Variants in MINK1 observed in about 807,000 individuals in gnomAD.
The protein encoded by MINK1 is misshapen-like kinase 1.
In MINK1, 46 loss-of-function variants were observed where a neutral mutation model predicts 178.4. That is an observed-to-expected ratio of 0.26 (90% CI 0.20 to 0.33). The LOEUF (loss-of-function observed/expected upper bound fraction) is 0.33. MINK1 is among the 10% of genes least tolerant of loss of function. MINK1 has a pLI of 1.00. For missense variants in MINK1, 1,366 were observed against 1,814.9 expected (o/e 0.75, Z 4.49); for synonymous variants, 797 against 709.7 (o/e 1.12, Z -1.96).
chr17:4,856,679 G>A (rs913541708), intron 1 of MINK1: 5 of 152,354 alleles, frequency 3.3e-5, no homozygotes, highest in African/African-American at 7.2e-5. Context: ...TATACATAGA[G>A]TACTCAAGGG....
chr17:4,877,403 C>T (rs1029467514), intron 1 of MINK1, among the ~76,000 whole-genome samples: 3 of 152,130 alleles, frequency 2.0e-5, no homozygotes, highest in African/African-American at 4.8e-5. Context: ...GGCCCTTTCT[C>T]ACCATCACCT....
Position 4,894,610 on chromosome 17 carries a change from G to A in MINK1, c.2894G>A (p.Ser965Asn). 1 of 1,606,776 alleles carries A rather than the reference G, an allele frequency of 6.2e-7. No individual in the cohort carries two copies. The highest frequency in any genetic ancestry group is 1.7e-4 in the Middle Eastern group (1 of 6,052). Residue 965 changes from serine (S) to asparagine (N), a missense_variant, in exon 24 of 32, where the codon AGT becomes AAT. By Grantham distance (46) the Ser-to-Asn change is conservative. Transcript: ENST00000355280. The surrounding 1 kb of genome is among the most constrained non-coding windows in gnomAD (Gnocchi z 4.1). ...VDLGIYQPGG[S>N]GDSIPITALV... ...CTAGGGATCTACCAGCCTGGAGGCA[G>A]TGGGGACAGCATCCCCATCACAGGT...
At position 4,844,839 on chromosome 17, in the gene MINK1, TTG is replaced by T. The variant is rs1910777321; in HGVS notation, c.57+11201_57+11202del. Among the ~76,000 whole-genome samples, 8 of 152,320 alleles carry T rather than the reference TTG, an allele frequency of 5.3e-5. No individual in the cohort carries two copies. The South Asian group carries it at 1.7e-3, about 32-fold the overall frequency. Reference sequence around the variant, plus strand: ...CCCACCCTTTAAAAATGTGTTGTTGTTGTTTTTTAATGTGATTAAGTATATGT... The same window carrying T: ...CCCACCCTTTAAAAATGTGTTGTTGTTTTTTTAATGTGATTAAGTATATGT... On this transcript the variant is annotated intron_variant, in intron 1 of 31. Transcript: ENST00000355280.
intron 1 of MINK1, among the ~76,000 whole-genome samples, chr17:4,867,389 A>G (rs996221313): frequency 3.9e-5 from 6 of 151,916 alleles, no homozygotes; most frequent in East Asian, 3.9e-4. Flanking sequence ...ATGGCTCACA[A>G]TTGTAATCCT....
In MINK1 at chr17:4,887,812, C is replaced by T; in HGVS notation, c.1230+22C>T. On this transcript the variant is annotated intron_variant, in intron 12 of 31. Transcript: ENST00000355280. This position sits in a 1 kb window ranked among gnomAD's most constrained non-coding sequence, Gnocchi z 7.6. Reference sequence around the variant, plus strand: ...GGAGGTGGGCTGTCTCCGAAGGGCCCAGGCCTGGCGCGGCCTCCTCCTGAC... The same window carrying T: ...GGAGGTGGGCTGTCTCCGAAGGGCCTAGGCCTGGCGCGGCCTCCTCCTGAC... 1 of 1,470,566 alleles carries T rather than the reference C, an allele frequency of 6.8e-7. No homozygotes were observed. Among genetic ancestry groups the T allele is most frequent in the South Asian group, 1.4e-5 (1 of 71,850 alleles). 91.1% of individuals were successfully genotyped at this position (1,470,566 alleles called of 1,614,324 possible).
At position 4,887,580 on chromosome 17, in the gene MINK1, C is replaced by T. The variant is rs778950931; in HGVS notation, c.1020C>T (p.Ser340=). Reference sequence around the variant, plus strand: ...GCTTCTTTGTGCCACCCCTGCCCAGCTCCATCATGAACGTGCCTGGAGAGT... The same window carrying T: ...GCTTCTTTGTGCCACCCCTGCCCAGTTCCATCATGAACGTGCCTGGAGAGT... ...DDSHGEEGEP[S]SIMNVPGEST... Residue 340 remains serine (S), a splice_region_variant and synonymous_variant, in exon 12 of 32, where the codon AGC becomes AGT. Coordinates refer to ENST00000355280, the MANE Select transcript of MINK1 (RefSeq NM_153827.5). This position sits in a 1 kb window ranked among gnomAD's most constrained non-coding sequence, Gnocchi z 7.6. 2 of 1,518,926 alleles carry T rather than the reference C, an allele frequency of 1.3e-6. No individual in the cohort carries two copies. Among genetic ancestry groups the T allele is most frequent in the South Asian group, 2.6e-5 (2 of 76,724 alleles). 94.1% of individuals were successfully genotyped at this position (1,518,926 alleles called of 1,614,324 possible).
intron 1 of MINK1, among the ~76,000 whole-genome samples, chr17:4,866,350 C>A (rs966960415): frequency 6.6e-6 from 1 of 151,776 alleles, no homozygotes. Flanking sequence ...GCCTGTAGTC[C>A]CAGCTACTCG....
chr17:4,862,641 G>T (rs1183297299), intron 1 of MINK1, among the ~76,000 whole-genome samples: 1 of 146,944 alleles, frequency 6.8e-6, no homozygotes, highest in African/African-American at 2.5e-5. Context: ...GTGACAGAGT[G>T]AGAATCCATC....
chr17:4,889,843 C>A, intron 13 of MINK1, 80 bp downstream of exon 13: 1 of 942,112 alleles, frequency 1.1e-6, no homozygotes, highest in South Asian at 1.7e-5. Context: ...GTGCCCTTCC[C>A]CCTTCTCTCC....
chr17:4,854,742 TC>T, intron 1 of MINK1: 1 of 492,300 alleles, frequency 2.0e-6, no homozygotes, highest in Admixed American at 2.1e-5. Flanking sequence ...TAAAAACACT[TC>T]AAAACACAGG....
chr17:4,856,349 G>C (rs1470724184), intron 1 of MINK1, among the ~76,000 whole-genome samples: 1 of 152,082 alleles, frequency 6.6e-6, no homozygotes, highest in Admixed American at 6.5e-5. Context: ...GTAGGAAGGA[G>C]GTGATCTTAT....
intron 1 of MINK1, among the ~76,000 whole-genome samples, chr17:4,851,751 A>T (rs921402555): frequency 3.9e-5 from 6 of 152,124 alleles, no homozygotes; most frequent in Admixed American, 2.0e-4. Flanking sequence ...CTGTAATCCC[A>T]GCACTTTAGG....
intron 13 of MINK1, chr17:4,889,978 A>C (rs1407730760): frequency 1.1e-4 from 46 of 421,890 alleles, no homozygotes; most frequent in East Asian, 1.6e-4. Flanking sequence ...TCTTTACCCC[A>C]TCCCTGACTC....
intron 1 of MINK1, among the ~76,000 whole-genome samples, chr17:4,841,009 C>T (rs72835014): frequency 0.085 from 12,924 of 151,876 alleles, 554 homozygotes; most frequent in Non-Finnish European, 0.094. Flanking sequence ...TGATAGTTGG[C>T]GAGGGAGGAG....
chr17:4,892,075 C>T, intron 16 of MINK1, 74 bp from the exon 17 acceptor site: 1 of 1,251,918 alleles, frequency 8.0e-7, no homozygotes, highest in Middle Eastern at 1.8e-4. Context: ...GCTCACCTCT[C>T]AGAGGTGAGG....
intron 1 of MINK1, among the ~76,000 whole-genome samples, chr17:4,849,942 ATCTT>A (rs1911674815): frequency 1.3e-5 from 2 of 151,320 alleles, no homozygotes; most frequent in East Asian, 3.9e-4. Context: ...CCTCCCTTTA[ATCTT>A]TCTTTTCTTC....
At chr17:4,869,777 T>C (rs916228431) in intron 1 of MINK1, among the ~76,000 whole-genome samples, 1 of 148,912 alleles carries the variant, frequency 6.7e-6, no homozygotes. Context: ...TTAAAATTAT[T>C]TTATTTTTAT....
rs773753970 is a variant in MINK1 at position 4,885,368 on chromosome 17, G to C, written c.509-115G>C. 1 of 1,397,846 alleles carries C rather than the reference G, an allele frequency of 7.2e-7. No individual in the cohort carries two copies. Among genetic ancestry groups the C allele is most frequent in the Non-Finnish European group, 9.9e-7 (1 of 1,014,270 alleles). 86.6% of individuals were successfully genotyped at this position (1,397,846 alleles called of 1,614,324 possible). A position where few individuals can be genotyped will look rare whatever the true frequency, so the allele number is the denominator to read the frequency against. On this transcript the variant is annotated intron_variant, in intron 6 of 31. Transcript: ENST00000355280. The surrounding 1 kb of genome is among the most constrained non-coding windows in gnomAD (Gnocchi z 5.0). ...GGTAAAGGAGGGTGCTGGGGTGTCT[G>C]GGTCGGGCCAGGACCACAGCTGGCT...
rs772813943 is a variant in MINK1, at chr17:4,896,655, C to T, written c.3776-19C>T. The T allele has an allele frequency of 6.2e-7, 1 of 1,605,462 alleles. No homozygotes were observed. The highest frequency in any genetic ancestry group is 1.3e-5 in the African/African-American group (1 of 74,968). On this transcript the variant is annotated intron_variant, in intron 30 of 31. Transcript: ENST00000355280. The surrounding 1 kb of genome is among the most constrained non-coding windows in gnomAD (Gnocchi z 4.6). ...GCCCCGGGGTGCAGCCTGCTCAGCCCCTCACCTGTTCCCCACAGCCTACAT... is the reference window on the plus strand; with the variant it reads ...GCCCCGGGGTGCAGCCTGCTCAGCCTCTCACCTGTTCCCCACAGCCTACAT...
Sources: gnomAD v4.1 joint callset for allele counts (sites outside exome capture counted in the v4.1 genomes callset) on GRCh38, gnomAD v4.1.1 for gene constraint, Gnocchi (gnomAD v3.1) non-coding constraint, MANE v1.5 for transcripts, NCBI Gene and HGNC (gene_info 2026-07-23, HGNC 2026-07-21) for gene names.